ERC1: variants seen among roughly 807,000 people sequenced by gnomAD.
The protein encoded by ERC1 is ELKS/RAB6-interacting/CAST family member 1.
In ERC1, 56 loss-of-function variants were observed where a neutral mutation model predicts 132.0. The observed-to-expected ratio is 0.42, with a 90% CI of 0.34 to 0.53. The LOEUF is 0.53. Ranked by LOEUF, ERC1 falls within the 20% of genes least tolerant of loss-of-function variation. ERC1 has a pLI of 0.03. For missense variants in ERC1, 1,202 were observed against 1,349.9 expected (o/e 0.89, Z 1.72); for synonymous variants, 478 against 476.1 (o/e 1.00, Z -0.05).
rs116303658 is a variant in ERC1 at position 1,274,679 on chromosome 12, G to A, written c.2619+11514G>A. ...GGCTAATGTTTGTATTTTTAGTAGA[G>A]ATGGGATTCCAGCATGTTTTTCAGG... On this transcript the variant is annotated intron_variant, in intron 14 of 18. Coordinates refer to ENST00000360905, the MANE Select transcript of ERC1 (RefSeq NM_178040.4). 4.6e-3 allele frequency among the ~76,000 whole-genome samples: 695 copies of A among 152,096 alleles called. 7 individuals carry two copies. The highest frequency in any genetic ancestry group is 0.016 in the African/African-American group (653 of 41,492).
At chr12:1,462,935 C>CT (rs113827907) in intron 18 of ERC1, among the ~76,000 whole-genome samples, 23,330 of 150,032 alleles carry the variant, frequency 0.16, 3,424 homozygotes, top group African/African-American at 0.39. Context: ...GTACAAATTT[C>CT]TTTTTTTTTT....
rs184414920 is a variant in ERC1, at chr12:1,107,696, G to A, written c.1162-2496G>A. ...AGGTGCCAAAGACTTCCAAAAATGG[G>A]CAGGAGTGATGGAGAAGTCCCTGGA... is the stretch of plus-strand genomic sequence containing the variant. On this transcript the variant is annotated intron_variant, in intron 4 of 18. Coordinates refer to ENST00000360905, the MANE Select transcript of ERC1 (RefSeq NM_178040.4). Among the ~76,000 whole-genome samples the A allele has an allele frequency of 6.4e-4, 97 of 152,278 alleles. 1 individual carries two copies. The highest frequency in any genetic ancestry group is 1.6e-4 in the Non-Finnish European group (11 of 68,022).
chr12:1,189,024 T>G (rs889209150), intron 11 of ERC1, among the ~76,000 whole-genome samples: 4 of 152,202 alleles, frequency 2.6e-5, no homozygotes, highest in African/African-American at 9.6e-5. Context: ...GGATCCTGAA[T>G]AAAAATTTTT....
intron 15 of ERC1, among the ~76,000 whole-genome samples, chr12:1,324,830 C>T (rs1452610570): frequency 2.0e-5 from 3 of 152,150 alleles, no homozygotes; most frequent in African/African-American, 7.2e-5. Flanking sequence ...TTTAGGCCTC[C>T]ACTGCCTGTT....
intron 12 of ERC1, among the ~76,000 whole-genome samples, chr12:1,234,012 T>C (rs988917885): frequency 2.6e-5 from 4 of 152,228 alleles, no homozygotes; most frequent in Non-Finnish European, 4.4e-5. Flanking sequence ...TCAGGAAGCA[T>C]GTATAAGGGT....
At chr12:1,424,796 TAGA>T (rs2092555209) in intron 17 of ERC1, among the ~76,000 whole-genome samples, 1 of 30,224 alleles carries the variant, frequency 3.3e-5, no homozygotes, top group Non-Finnish European at 7.6e-5. Flanking sequence ...CTTGAGATGA[TAGA>T]TAGATAGATA....
At chr12:1,443,866 A>G (rs992886211) in intron 17 of ERC1, 1 of 152,268 alleles carries the variant, frequency 6.6e-6, no homozygotes, top group Non-Finnish European at 1.5e-5. Context: ...TCTGTTACTT[A>G]AGAAAAACAC....
chr12:1,143,910 C>T (rs1950094852), intron 8 of ERC1, among the ~76,000 whole-genome samples: 1 of 151,912 alleles, frequency 6.6e-6, no homozygotes, highest in East Asian at 1.9e-4. Context: ...CTTGTGATTT[C>T]TCTATATCAG....
intron 18 of ERC1, among the ~76,000 whole-genome samples, chr12:1,465,711 G>A (rs1461121939): frequency 6.6e-6 from 1 of 151,940 alleles, no homozygotes; most frequent in Non-Finnish European, 1.5e-5. Context: ...TTCCCCTAGA[G>A]AGGTGGGGGC....
intron 16 of ERC1, among the ~76,000 whole-genome samples, chr12:1,398,035 G>A (rs1023392285): frequency 4.6e-5 from 7 of 152,154 alleles, no homozygotes; most frequent in African/African-American, 1.7e-4. Flanking sequence ...CCAGGCTGGA[G>A]CGCAGGGGCA....
chr12:1,436,788 C>T (rs76712561), intron 17 of ERC1, among the ~76,000 whole-genome samples: 1,772 of 152,268 alleles, frequency 0.012, 47 homozygotes, highest in African/African-American at 0.04. Context: ...ACCAACTGCC[C>T]GCCTAGCTTT....
intron 7 of ERC1, among the ~76,000 whole-genome samples, chr12:1,138,095 C>A (rs10848447): frequency 1 from 121,045 of 121,634 alleles, 60,234 homozygotes; most frequent in Middle Eastern, 1. Flanking sequence ...AATATATAAT[C>A]CATATTATAA....
At chr12:1,488,972 A>G (rs1176516814) in intron 18 of ERC1, among the ~76,000 whole-genome samples, 1 of 152,132 alleles carries the variant, frequency 6.6e-6, no homozygotes, top group African/African-American at 2.4e-5. Context: ...CAGTCTGAGA[A>G]AGTGGCGATG....
At chr12:1,183,224 T>C (rs1954678441) in intron 10 of ERC1, 57 bp from the exon 11 acceptor site, 1 of 1,236,194 alleles carries the variant, frequency 8.1e-7, no homozygotes, top group Non-Finnish European at 1.1e-6. Context: ...AATTTAAAAA[T>C]TTAAACCTCT....
intron 17 of ERC1, among the ~76,000 whole-genome samples, chr12:1,421,364 C>T (rs909897918): frequency 1.3e-5 from 2 of 152,168 alleles, no homozygotes; most frequent in Non-Finnish European, 2.9e-5. Context: ...TTTCTCAAAT[C>T]TTCCTCCCCA....
intron 16 of ERC1, among the ~76,000 whole-genome samples, chr12:1,400,914 G>GTATTATTATTATTAT (rs1360966932): frequency 2.7e-4 from 3 of 11,120 alleles, no homozygotes; most frequent in African/African-American, 1.7e-3. Flanking sequence ...GGCTATTTTT[G>GTATTATTATTATTAT]TATTTTTTTT....
chr12:1,192,798 A>C lies in ERC1; in HGVS notation c.2351+2746A>C, dbSNP rs138012580. 8.1e-4 allele frequency among the ~76,000 whole-genome samples: 124 copies of C among 152,272 alleles called. 2 individuals are homozygous for C. The East Asian group carries it at 0.022, about 27-fold the overall frequency. On this transcript the variant is annotated intron_variant, in intron 12 of 18. Transcript: ENST00000360905. ...TTGGAATTTTGCTTGATCAGAGTTA[A>C]AGAACAGCTGATTATATGTCAAGTT...
At chr12:1,030,031 A>G (rs576634590) in intron 2 of ERC1, among the ~76,000 whole-genome samples, 8 of 152,252 alleles carry the variant, frequency 5.3e-5, no homozygotes, top group Non-Finnish European at 1.0e-4. Context: ...TATAGGCGCG[A>G]GCCACCGCCA....
intron 1 of ERC1, 199 bp from the exon 2 acceptor site, chr12:1,027,549 C>T (rs991663082): frequency 1.4e-5 from 3 of 210,844 alleles, no homozygotes; most frequent in East Asian, 7.8e-5. Flanking sequence ...GGTATGTTTT[C>T]AGCGTTCAGT....
Sources: gnomAD v4.1 joint callset for allele counts (sites outside exome capture counted in the v4.1 genomes callset) on GRCh38, gnomAD v4.1.1 for gene constraint, MANE v1.5 for transcripts, NCBI Gene and HGNC (gene_info 2026-07-23, HGNC 2026-07-21) for gene names.